Variants in ARB2A observed in about 807,000 individuals in gnomAD.
ARB2A encodes cotranscriptional regulator ARB2A.
At chr5:93,913,165 C>A in the ARB2A span, among the ~76,000 whole-genome samples, 1 of 151,470 alleles carries the variant, frequency 6.6e-6, no homozygotes, top group Non-Finnish European at 1.5e-5. Flanking sequence ...TCTGATTCCC[C>A]ACACTTAATC....
chr5:93,758,393 T>A, the ARB2A span, among the ~76,000 whole-genome samples: 3 of 152,158 alleles, frequency 2.0e-5, no homozygotes, highest in Non-Finnish European at 4.4e-5. Flanking sequence ...TTGGAACAAA[T>A]GGACTTATCA....
At chr5:94,084,981 T>C in the ARB2A span, among the ~76,000 whole-genome samples, 2 of 152,258 alleles carry the variant, frequency 1.3e-5, no homozygotes, top group East Asian at 3.9e-4. Context: ...CAATGAAATA[T>C]TTACACTTAT....
the ARB2A span, among the ~76,000 whole-genome samples, chr5:93,970,561 C>G: frequency 6.6e-6 from 1 of 152,020 alleles, no homozygotes; most frequent in Non-Finnish European, 1.5e-5. Flanking sequence ...AGTATACCTA[C>G]CTGTTATGTG....
the ARB2A span, among the ~76,000 whole-genome samples, chr5:93,816,081 G>C: frequency 1.1e-4 from 17 of 152,142 alleles, no homozygotes; most frequent in African/African-American, 4.1e-4. Flanking sequence ...GAGTTAACTT[G>C]AATAAATTAT....
the ARB2A span, among the ~76,000 whole-genome samples, chr5:93,742,204 T>C: frequency 6.6e-6 from 1 of 152,114 alleles, no homozygotes; most frequent in East Asian, 1.9e-4. Flanking sequence ...GGCAGAACTT[T>C]GTAACTAATT....
chr5:93,869,395 A>T, the ARB2A span, among the ~76,000 whole-genome samples: 1 of 152,186 alleles, frequency 6.6e-6, no homozygotes, highest in African/African-American at 2.4e-5. Flanking sequence ...GTTACCTTAG[A>T]CAAAGGGAGC....
chr5:94,042,859 T>C, the ARB2A span, among the ~76,000 whole-genome samples: 13,496 of 152,240 alleles, frequency 0.089, 770 homozygotes, highest in Middle Eastern at 0.16. Flanking sequence ...TTGTTATTAG[T>C]ACATATTACA....
the ARB2A span, among the ~76,000 whole-genome samples, chr5:93,897,888 G>A: frequency 6.6e-6 from 1 of 151,724 alleles, no homozygotes; most frequent in Non-Finnish European, 1.5e-5. Flanking sequence ...AGGTCTCAGA[G>A]GGTACCAGAG....
the ARB2A span, among the ~76,000 whole-genome samples, chr5:93,997,370 G>T: frequency 6.6e-6 from 1 of 152,040 alleles, no homozygotes; most frequent in Non-Finnish European, 1.5e-5. Flanking sequence ...AGAACTGGAT[G>T]AAAAGCGTTC....
At chr5:93,852,765 A>T in the ARB2A span, among the ~76,000 whole-genome samples, 1 of 152,084 alleles carries the variant, frequency 6.6e-6, no homozygotes. Flanking sequence ...AGATAGTTGT[A>T]GATATGCGGC....
chr5:93,862,451 T>G, the ARB2A span: 1 of 152,240 alleles, frequency 6.6e-6, no homozygotes, highest in Admixed American at 6.5e-5. Flanking sequence ...AGACTTTTAT[T>G]CAAGCCCTGA....
chr5:93,851,488 A>C, the ARB2A span, among the ~76,000 whole-genome samples: 1 of 152,166 alleles, frequency 6.6e-6, no homozygotes, highest in South Asian at 2.1e-4. Context: ...GTTTTAGGGT[A>C]CATGTGCACA....
chr5:93,711,583 A>G, the ARB2A span, among the ~76,000 whole-genome samples: 7 of 152,240 alleles, frequency 4.6e-5, no homozygotes, highest in African/African-American at 1.7e-4. Context: ...CTGAACAACT[A>G]AAAAGGTGGC....
chr5:93,650,012 TAAG>T, the ARB2A span, among the ~76,000 whole-genome samples: 2 of 152,050 alleles, frequency 1.3e-5, no homozygotes, highest in Non-Finnish European at 2.9e-5. Context: ...CAACATATAA[TAAG>T]AACTTACTGA....
chr5:93,765,719 C>T, the ARB2A span, among the ~76,000 whole-genome samples: 1 of 152,118 alleles, frequency 6.6e-6, no homozygotes, highest in African/African-American at 2.4e-5. Context: ...AAAAAGAGCC[C>T]ACATTGCCAA....
chr5:94,101,211 T>A, the ARB2A span, among the ~76,000 whole-genome samples: 3 of 152,238 alleles, frequency 2.0e-5, no homozygotes, highest in South Asian at 6.2e-4. Flanking sequence ...AAGCTCAATA[T>A]CACTGATCAT....
chr5:93,825,872 T>C, the ARB2A span, among the ~76,000 whole-genome samples: 1 of 151,464 alleles, frequency 6.6e-6, no homozygotes, highest in Non-Finnish European at 1.5e-5. Flanking sequence ...ATTTTAAGTA[T>C]CTCTGTAAGC....
At chr5:93,696,036 G>T in the ARB2A span, among the ~76,000 whole-genome samples, 3 of 152,204 alleles carry the variant, frequency 2.0e-5, no homozygotes, top group Non-Finnish European at 2.9e-5. Context: ...GGTCTGTCGG[G>T]GGGTGGGGGA....
At chr5:93,867,910 TA>T in the ARB2A span, among the ~76,000 whole-genome samples, 2 of 152,092 alleles carry the variant, frequency 1.3e-5, no homozygotes, top group South Asian at 4.1e-4. Flanking sequence ...TTACTGAGAA[TA>T]AAATTAATAT....
Sources: allele counts gnomAD v4.1 joint callset (sites outside exome capture counted in the v4.1 genomes callset), GRCh38; gene constraint gnomAD v4.1.1; transcripts MANE v1.5; gene names NCBI Gene and HGNC (gene_info 2026-07-23, HGNC 2026-07-21).